The following PRR5L variants were observed in gnomAD, a reference collection of about 807,000 sequenced individuals.
PRR5L encodes proline-rich protein 5-like.
PRR5L carries 21 observed loss-of-function variants against 36.4 expected under a neutral mutation model. That is an observed-to-expected ratio of 0.58 (90% confidence interval 0.41 to 0.83). The LOEUF is 0.83. Ranked by LOEUF, PRR5L falls within the 40% of genes least tolerant of loss-of-function variation. The probability of loss-of-function intolerance (pLI) is 0.00; values close to 1 mark genes in which losing one functional copy is unlikely to be tolerated. For synonymous variants in PRR5L, 188 were observed against 197.0 expected, an observed-to-expected ratio of 0.95 and a Z score of 0.38; for missense variants, 381 against 473.3, an observed-to-expected ratio of 0.80 and a Z score of 1.81.
intron 3 of PRR5L, among the ~76,000 whole-genome samples, chr11:36,404,268 CTTT>C (rs869208636): frequency 8.2e-5 from 8 of 97,974 alleles, no homozygotes; most frequent in Non-Finnish European, 7.9e-5. Context: ...TCCATCAGGT[CTTT>C]TTTTTTTTTT....
intron 1 of PRR5L, among the ~76,000 whole-genome samples, chr11:36,384,015 GAGCCATATCTGGCT>G (rs1357199355): frequency 6.6e-6 from 1 of 152,042 alleles, no homozygotes; most frequent in African/African-American, 2.4e-5. Context: ...ATTATTGTAG[GAGCCATATCTGGCT>G]CATCTTTGTG....
Position 36,319,515 on chromosome 11 carries a change from C to T in PRR5L, c.-126+23077C>T, listed in dbSNP as rs533767556. Among the ~76,000 whole-genome samples, 19 of 152,300 alleles carry T rather than the reference C, an allele frequency of 1.2e-4. No individual in the cohort carries two copies. The South Asian group carries it at 3.5e-3, about 28-fold the overall frequency. ...TTTGTGGGTCATGTCGTCTCTATCA[C>T]AGCTACTGGTCTCTACCATTGGAGT... On this transcript the variant is annotated intron_variant, in intron 1 of 8. Coordinates refer to ENST00000530639, the MANE Select transcript of PRR5L (RefSeq NM_001160167.2).
chr11:36,458,991 G>A (rs12275362), intron 8 of PRR5L, among the ~76,000 whole-genome samples: 1 of 152,188 alleles, frequency 6.6e-6, no homozygotes, highest in Non-Finnish European at 1.5e-5. Flanking sequence ...TGACTGGGAA[G>A]CTGGGAAGAG....
chr11:36,439,930 C>T (rs1210981163), intron 6 of PRR5L, among the ~76,000 whole-genome samples: 1 of 152,058 alleles, frequency 6.6e-6, no homozygotes, highest in Non-Finnish European at 1.5e-5. Flanking sequence ...TATGCTTTCC[C>T]CATCAAGCCT....
rs36076560 is a variant in PRR5L at position 36,372,976 on chromosome 11, T to TTGTGTGTGTGTGTGTGTGTG, written c.-125-28009_-125-27990dup. Among the ~76,000 whole-genome samples the TTGTGTGTGTGTGTGTGTGTG allele has an allele frequency of 1.5e-3, 220 of 146,752 alleles. 2 individuals are homozygous for TTGTGTGTGTGTGTGTGTGTG. The highest frequency in any genetic ancestry group is 5.0e-3 in the African/African-American group (203 of 40,416). On this transcript the variant is annotated intron_variant, in intron 1 of 8. Coordinates refer to ENST00000530639, the MANE Select transcript of PRR5L (RefSeq NM_001160167.2). ...CTTCAGCTTTTGCGCTGCCTAATAG[T>TTGTGTGTGTGTGTGTGTGTG]TGTGTGTGTGTGTGTGTGTGTGTGT... is the stretch of plus-strand genomic sequence containing the variant.
At chr11:36,319,819 A>G (rs1041631552) in intron 1 of PRR5L, among the ~76,000 whole-genome samples, 4 of 152,112 alleles carry the variant, frequency 2.6e-5, no homozygotes, top group African/African-American at 4.8e-5. Context: ...GAAAACAAAG[A>G]TTTATTATCA....
intron 2 of PRR5L, among the ~76,000 whole-genome samples, chr11:36,402,936 G>T (rs546559407): frequency 2.6e-4 from 39 of 152,344 alleles, no homozygotes; most frequent in South Asian, 1.5e-3. Context: ...TGAAAGAACC[G>T]CAGGCATGGG....
intron 1 of PRR5L, among the ~76,000 whole-genome samples, chr11:36,374,255 C>T (rs968379281): frequency 2.3e-4 from 35 of 152,066 alleles, no homozygotes; most frequent in African/African-American, 6.8e-4. Context: ...CCACCATGCC[C>T]GGCTAATTTT....
chr11:36,319,747 G>A (rs914393682), intron 1 of PRR5L, among the ~76,000 whole-genome samples: 2 of 151,400 alleles, frequency 1.3e-5, no homozygotes, highest in Non-Finnish European at 2.9e-5. Context: ...ACTGAAAAAG[G>A]CCTTAAGTGT....
chr11:36,357,827 G>A (rs570426938), intron 1 of PRR5L, among the ~76,000 whole-genome samples: 15 of 152,316 alleles, frequency 9.8e-5, no homozygotes, highest in South Asian at 2.1e-4. Flanking sequence ...CACAACATCC[G>A]TTCTGCAGCC....
At chr11:36,443,904 G>A (rs534922085) in intron 6 of PRR5L, among the ~76,000 whole-genome samples, 2 of 152,262 alleles carry the variant, frequency 1.3e-5, no homozygotes, top group South Asian at 2.1e-4. Flanking sequence ...CCCAGTTGGT[G>A]TAAGACAGTA....
chr11:36,397,224 C>A (rs1281938771), intron 1 of PRR5L, among the ~76,000 whole-genome samples: 1 of 150,812 alleles, frequency 6.6e-6, no homozygotes, highest in Non-Finnish European at 1.5e-5. Flanking sequence ...CGCCAACACG[C>A]CCAGCTAATT....
intron 1 of PRR5L, among the ~76,000 whole-genome samples, chr11:36,360,608 CG>C (rs1332617945): frequency 6.6e-6 from 1 of 152,050 alleles, no homozygotes; most frequent in Non-Finnish European, 1.5e-5. Flanking sequence ...CAGCTCAAGG[CG>C]TATGTGTGTG....
chr11:36,405,174 G>T (rs770497199), intron 3 of PRR5L, among the ~76,000 whole-genome samples: 55 of 152,124 alleles, frequency 3.6e-4, no homozygotes, highest in Non-Finnish European at 5.6e-4. Context: ...AAGACTTCAG[G>T]TACCAAGCAG....
intron 5 of PRR5L, 43 bp from the exon 6 acceptor site, chr11:36,437,342 C>A: frequency 1.6e-6 from 2 of 1,280,384 alleles, no homozygotes; most frequent in Middle Eastern, 1.8e-4. Flanking sequence ...ATGACGAATT[C>A]TTTTCTTTCT....
At chr11:36,403,544 C>T (rs1460317763) in intron 3 of PRR5L, among the ~76,000 whole-genome samples, 166 bp downstream of exon 3, 2 of 151,094 alleles carry the variant, frequency 1.3e-5, no homozygotes, top group Non-Finnish European at 2.9e-5. Flanking sequence ...CGTTCTGAGA[C>T]CTGTGTCTGT....
At chr11:36,392,923 C>T (rs1383219440) in intron 1 of PRR5L, among the ~76,000 whole-genome samples, 1 of 152,214 alleles carries the variant, frequency 6.6e-6, no homozygotes, top group Non-Finnish European at 1.5e-5. Flanking sequence ...AGCCAAACCA[C>T]ATCAAATGAT....
chr11:36,366,103 A>G (rs1057299134), intron 1 of PRR5L, among the ~76,000 whole-genome samples: 2 of 152,212 alleles, frequency 1.3e-5, no homozygotes, highest in African/African-American at 4.8e-5. Context: ...GGAGGTCAAG[A>G]TGACTGAAGA....
chr11:36,322,946 A>C (rs538916098), intron 1 of PRR5L, among the ~76,000 whole-genome samples: 20 of 152,206 alleles, frequency 1.3e-4, no homozygotes, highest in Non-Finnish European at 2.8e-4. Flanking sequence ...CAAGCCAAGG[A>C]ATGCAAGGAT....
Sources: allele counts gnomAD v4.1 joint callset (sites outside exome capture counted in the v4.1 genomes callset), GRCh38; gene constraint gnomAD v4.1.1; transcripts MANE v1.5; gene names NCBI Gene and HGNC (gene_info 2026-07-23, HGNC 2026-07-21).